Variants in PI15 observed in about 807,000 individuals in gnomAD.
PI15 encodes the protein peptidase inhibitor 15.
PI15 carries 18 observed loss-of-function variants against 31.0 expected under a neutral mutation model. The ratio of observed to expected loss-of-function variants is 0.58; its 90% CI spans 0.40 to 0.86. The LOEUF (loss-of-function observed/expected upper bound fraction) is 0.86. Ranked by LOEUF, PI15 falls within the 40% of genes least tolerant of loss-of-function variation. The probability of loss-of-function intolerance (pLI) is 0.00; values close to 1 mark genes in which losing one functional copy is unlikely to be tolerated. For missense variants in PI15, 282 were observed against 328.1 expected (o/e 0.86, Z 1.09); for synonymous variants, 118 against 119.1 (o/e 0.99, Z 0.06).
rs947217354 is a variant in PI15 at position 74,852,692 on chromosome 8, G to A, written c.*3439G>A. 6.6e-6 allele frequency: 1 copy of A among 152,124 alleles called. No individual in the cohort carries two copies. Among genetic ancestry groups the A allele is most frequent in the African/African-American group, 2.4e-5 (1 of 41,450 alleles). The allele number at this position is 152,124 out of a possible 1,614,324, so 9.4% of individuals were successfully genotyped here. A position where few individuals can be genotyped will look rare whatever the true frequency, so the allele number is the denominator to read the frequency against. ...AATTTTTCTCATAATATATACCTAT[G>A]TGAAACCAACTTATCTGCATAATTA... On this transcript the variant is annotated 3_prime_UTR_variant, in exon 6 of 6. Coordinates refer to ENST00000260113, the MANE Select transcript of PI15 (RefSeq NM_015886.5).
intron 2 of PI15, among the ~76,000 whole-genome samples, chr8:74,836,138 C>T (rs1341333687): frequency 6.6e-6 from 1 of 152,116 alleles, no homozygotes; most frequent in Admixed American, 6.6e-5. Flanking sequence ...AACCAGTAAA[C>T]TTTTTCTGTA....
At chr8:74,829,688 A>T (rs542329079) in intron 2 of PI15, among the ~76,000 whole-genome samples, 1 of 152,268 alleles carries the variant, frequency 6.6e-6, no homozygotes, top group East Asian at 1.9e-4. Context: ...TCCACTAAGG[A>T]TATAATTCAG....
Position 74,854,265 on chromosome 8 carries a change from T to G in PI15, c.*5012T>G, listed in dbSNP as rs1811149068. ...GTTTTGACAGATTTCTTAAATTATG[T>G]TAGCATAATCAAGGAAGATTTACCT... On this transcript the variant is annotated 3_prime_UTR_variant, in exon 6 of 6. Coordinates refer to ENST00000260113, the MANE Select transcript of PI15 (RefSeq NM_015886.5). 1 of 152,102 alleles carries G rather than the reference T, an allele frequency of 6.6e-6. No homozygotes were observed. Among genetic ancestry groups the G allele is most frequent in the Non-Finnish European group, 1.5e-5 (1 of 67,954 alleles). The allele number at this position is 152,102 out of a possible 1,614,324, so 9.4% of individuals were successfully genotyped here.
chr8:74,825,094 T>C (rs1004693227), intron 1 of PI15, 116 bp from the exon 2 acceptor site: 10 of 696,992 alleles, frequency 1.4e-5, no homozygotes, highest in Non-Finnish European at 2.5e-5. Flanking sequence ...CAACATTTGT[T>C]TGGATTTTTG....
At chr8:74,848,726 T>TAGAG (rs1380012611) in intron 5 of PI15, among the ~76,000 whole-genome samples, 2 of 142,828 alleles carry the variant, frequency 1.4e-5, no homozygotes, top group African/African-American at 5.4e-5. Flanking sequence ...TATATATATA[T>TAGAG]ATATATAGAG....
intron 2 of PI15, among the ~76,000 whole-genome samples, chr8:74,834,471 G>A (rs909540642): frequency 2.0e-5 from 3 of 151,734 alleles, no homozygotes; most frequent in Admixed American, 2.0e-4. Flanking sequence ...CTCCTTCTTA[G>A]CCTCAAGACC....
At chr8:74,834,546 G>A (rs1444421563) in intron 2 of PI15, among the ~76,000 whole-genome samples, 1 of 152,144 alleles carries the variant, frequency 6.6e-6, no homozygotes, top group Non-Finnish European at 1.5e-5. Flanking sequence ...AAGCTGTCAG[G>A]GAAGGCTACA....
rs1178510295 is a variant in PI15, at chr8:74,851,229, C to G, written c.*1976C>G. On this transcript the variant is annotated 3_prime_UTR_variant, in exon 6 of 6. Coordinates refer to ENST00000260113, the MANE Select transcript of PI15 (RefSeq NM_015886.5). ...TAATTACATTATTTAGGTCTTAATC[C>G]AACTTTTTTCTAATATATCTAAACA... 6.6e-6 allele frequency: 1 copy of G among 152,000 alleles called. No individual in the cohort carries two copies. Among genetic ancestry groups the G allele is most frequent in the African/African-American group, 2.4e-5 (1 of 41,398 alleles). The allele number at this position is 152,000 out of a possible 1,614,324, so 9.4% of individuals were successfully genotyped here. A position where few individuals can be genotyped will look rare whatever the true frequency, so the allele number is the denominator to read the frequency against.
intron 2 of PI15, among the ~76,000 whole-genome samples, chr8:74,838,437 T>A (rs1348463579): frequency 1.3e-5 from 2 of 152,092 alleles, no homozygotes; most frequent in Non-Finnish European, 2.9e-5. Flanking sequence ...ACTTTCATAT[T>A]TTAGGGAGTA....
In PI15 at chr8:74,852,867, C is replaced by T. The variant is rs1323155018; in HGVS notation, c.*3614C>T. 6.6e-6 allele frequency: 1 copy of T among 151,978 alleles called. No homozygotes were observed. The highest frequency in any genetic ancestry group is 1.5e-5 in the Non-Finnish European group (1 of 67,946). 9.4% of individuals were successfully genotyped at this position (151,978 alleles called of 1,614,324 possible). ...TAGGTTCTTCCTGTGTAGCCATATA[C>T]CCAGGCTCTGCAGTATCGAAGGATG... On this transcript the variant is annotated 3_prime_UTR_variant, in exon 6 of 6. Transcript: ENST00000260113.
chr8:74,848,100 G>A (rs1243030916), intron 5 of PI15, among the ~76,000 whole-genome samples: 2 of 152,092 alleles, frequency 1.3e-5, no homozygotes, highest in African/African-American at 4.8e-5. Context: ...TTATTATTAT[G>A]ATAATGGCCA....
chr8:74,828,877 TTGTTTA>T (rs1244530526), intron 2 of PI15, among the ~76,000 whole-genome samples: 3 of 152,090 alleles, frequency 2.0e-5, no homozygotes, highest in Non-Finnish European at 4.4e-5. Flanking sequence ...CTTCCTTAGT[TTGTTTA>T]TAATACTATC....
At chr8:74,827,565 T>C (rs1309705825) in intron 2 of PI15, among the ~76,000 whole-genome samples, 1 of 152,140 alleles carries the variant, frequency 6.6e-6, no homozygotes, top group Non-Finnish European at 1.5e-5. Context: ...GACCCACAGA[T>C]GTCAACGAGT....
At chr8:74,845,325 G>A (rs1287078249) in intron 4 of PI15, 57 bp from the exon 5 acceptor site, 7 of 1,575,562 alleles carry the variant, frequency 4.4e-6, no homozygotes, top group African/African-American at 2.7e-5. Context: ...CTATTTTGGT[G>A]GACATGCATT....
chr8:74,833,731 T>TAG (rs1388104607), intron 2 of PI15, among the ~76,000 whole-genome samples: 4 of 152,214 alleles, frequency 2.6e-5, no homozygotes, highest in African/African-American at 9.6e-5. Flanking sequence ...CATTTGGAGA[T>TAG]AGAGAATCTT....
intron 2 of PI15, 112 bp from the exon 3 acceptor site, chr8:74,843,869 C>CAA (rs1810981550): frequency 1.4e-6 from 1 of 731,198 alleles, no homozygotes; most frequent in Non-Finnish European, 2.5e-6. Context: ...AAAACAAAAA[C>CAA]AAACAAACAG....
intron 2 of PI15, among the ~76,000 whole-genome samples, chr8:74,836,822 G>C (rs75203145): frequency 0.013 from 1,967 of 152,162 alleles, 57 homozygotes; most frequent in African/African-American, 0.045. Context: ...GGTGGAGTGG[G>C]GATGGGGTGG....
rs1190334809 is a variant in PI15 at position 74,854,228 on chromosome 8, CT to C, written c.*4979del. Reference sequence around the variant, plus strand: ...ATATATAATTGACTGGGTGTAATCTCTTTTGTAATCTGTTTTGACAGATTTC... The same window carrying C: ...ATATATAATTGACTGGGTGTAATCTCTTTGTAATCTGTTTTGACAGATTTC... On this transcript the variant is annotated 3_prime_UTR_variant, in exon 6 of 6. Coordinates refer to ENST00000260113, the MANE Select transcript of PI15 (RefSeq NM_015886.5). 3.3e-5 allele frequency: 5 copies of C among 151,976 alleles called. No individual in the cohort carries two copies. The highest frequency in any genetic ancestry group is 5.9e-5 in the Non-Finnish European group (4 of 67,920). The allele number at this position is 151,976 out of a possible 1,614,324, so 9.4% of individuals were successfully genotyped here. A position where few individuals can be genotyped will look rare whatever the true frequency, so the allele number is the denominator to read the frequency against.
chr8:74,849,194 T>C lies in PI15; in HGVS notation c.718T>C (p.Cys240Arg). ...TTGTCCTCCAAGTTATGGGGGATCT[T>C]GTACTGACAATCTGTGTTTTCCAGG... ...SSCPPSYGGS[C>R]TDNLCFPGVT... Residue 240 changes from cysteine to arginine, a missense_variant, in exon 6 of 6, where the codon TGT becomes CGT. Coordinates refer to ENST00000260113, the MANE Select transcript of PI15 (RefSeq NM_015886.5). The C allele has an allele frequency of 6.2e-7, 1 of 1,612,286 alleles. No homozygotes were observed. The highest frequency in any genetic ancestry group is 8.5e-7 in the Non-Finnish European group (1 of 1,178,440).
Sources: gnomAD v4.1 joint callset for allele counts (sites outside exome capture counted in the v4.1 genomes callset) on GRCh38, gnomAD v4.1.1 for gene constraint, MANE v1.5 for transcripts, NCBI Gene and HGNC (gene_info 2026-07-23, HGNC 2026-07-21) for gene names.